HLA-DRB1: variants seen among roughly 807,000 people sequenced by gnomAD.
The protein encoded by HLA-DRB1 is major histocompatibility complex, class II, DR beta 1.
In HLA-DRB1, 10 loss-of-function variants were observed where a neutral mutation model predicts 27.9. The ratio of observed to expected loss-of-function variants is 0.36; its 90% confidence interval spans 0.22 to 0.61. The LOEUF is 0.61. Ranked by LOEUF, HLA-DRB1 falls within the 20% of genes least tolerant of loss-of-function variation. HLA-DRB1 has a pLI of 0.73. For missense variants in HLA-DRB1, 118 were observed against 306.3 expected (o/e 0.39, Z 4.59); for synonymous variants, 57 against 126.7 (o/e 0.45, Z 3.69).
intron 1 of HLA-DRB1, among the ~76,000 whole-genome samples, chr6:32,588,382 T>TGGGA (rs1423152541): frequency 0.3 from 30,839 of 102,916 alleles, 3,775 homozygotes; most frequent in Middle Eastern, 0.36. Flanking sequence ...TGAGCATAAG[T>TGGGA]GGCAGAGGTT....
intron 3 of HLA-DRB1, among the ~76,000 whole-genome samples, chr6:32,581,292 G>C (rs28732312): frequency 0.097 from 6,257 of 64,446 alleles, 14 homozygotes; most frequent in Middle Eastern, 0.17. Context: ...GAGCCTGGGA[G>C]AGTGGGTGAC....
intron 2 of HLA-DRB1, among the ~76,000 whole-genome samples, chr6:32,582,610 C>A (rs1775720153): frequency 9.7e-6 from 1 of 102,720 alleles, no homozygotes; most frequent in African/African-American, 3.9e-5. Flanking sequence ...TTTTTACTTT[C>A]CTAGAAAAGC....
intron 2 of HLA-DRB1, 104 bp from the exon 3 acceptor site, chr6:32,581,942 C>A: frequency 1.6e-6 from 1 of 637,646 alleles, no homozygotes; most frequent in Non-Finnish European, 2.7e-6. Flanking sequence ...TGGCCTTGAC[C>A]AGGCCTATAG....
rs9269921 is a variant in HLA-DRB1 at position 32,583,791 on chromosome 6, C to G, written c.370+318G>C. Among the ~76,000 whole-genome samples, 460 of 62,464 alleles carry G rather than the reference C, an allele frequency of 7.4e-3. 5 individuals carry two copies. The highest frequency in any genetic ancestry group is 0.014 in the East Asian group (33 of 2,368). The allele number at this position is 62,464 out of a possible 152,430, so 41.0% of individuals were successfully genotyped here. Reference sequence around the variant, plus strand: ...ATCAAGGTCTCCTCTCTCTCCAGCCCCCAGCACCCACCTCCCTTGTCACCT... The same window carrying G: ...ATCAAGGTCTCCTCTCTCTCCAGCCGCCAGCACCCACCTCCCTTGTCACCT... On this transcript the variant is annotated intron_variant, in intron 2 of 5. Transcript: ENST00000360004.
At chr6:32,585,885 A>G (rs9270045) in intron 1 of HLA-DRB1, among the ~76,000 whole-genome samples, 53,120 of 131,782 alleles carry the variant, frequency 0.4, 12,308 homozygotes, top group Middle Eastern at 0.54. Flanking sequence ...CACAGATACA[A>G]CAGGATCATT....
At chr6:32,580,458 A>G (rs1775264420) in intron 4 of HLA-DRB1, among the ~76,000 whole-genome samples, 188 bp from the exon 5 acceptor site, 2 of 130,410 alleles carry the variant, frequency 1.5e-5, no homozygotes, top group African/African-American at 2.7e-5. Context: ...CACAGGATCC[A>G]GTGTAATTCC....
Position 32,587,912 on chromosome 6 carries a change from G to T in HLA-DRB1, c.100+1731C>A, listed in dbSNP as rs35474092. 1.3e-5 allele frequency among the ~76,000 whole-genome samples: 2 copies of T among 148,670 alleles called. 1 individual carries two copies. The highest frequency in any genetic ancestry group is 3.0e-5 in the Non-Finnish European group (2 of 67,462). ...AACCTAGAATGGAGCCCAGTAAAGA[G>T]TAGCTGCTGAGAAAAATAAGTGTGG... On this transcript the variant is annotated intron_variant, in intron 1 of 5. Coordinates refer to ENST00000360004, the Ensembl canonical transcript of HLA-DRB1.
intron 2 of HLA-DRB1, among the ~76,000 whole-genome samples, chr6:32,583,027 A>T (rs28724030): frequency 0.075 from 9,137 of 121,896 alleles, 1 homozygote; most frequent in Admixed American, 0.12. Context: ...TCCACATACA[A>T]ACCACAAACT....
At chr6:32,585,597 T>G (rs1776284527) in intron 1 of HLA-DRB1, among the ~76,000 whole-genome samples, 1 of 132,544 alleles carries the variant, frequency 7.5e-6, no homozygotes, top group Non-Finnish European at 1.6e-5. Context: ...CTAAAGCAAT[T>G]AGTATCTTCA....
chr6:32,588,125 A>G (rs1446696327), intron 1 of HLA-DRB1, among the ~76,000 whole-genome samples: 16 of 148,026 alleles, frequency 1.1e-4, no homozygotes, highest in Non-Finnish European at 2.1e-4. Flanking sequence ...AGATAAAGAA[A>G]CAGTGATTTA....
At chr6:32,582,852 C>A (rs1775759740) in intron 2 of HLA-DRB1, among the ~76,000 whole-genome samples, 1 of 53,380 alleles carries the variant, frequency 1.9e-5, no homozygotes, top group African/African-American at 7.5e-5. Context: ...CTAGCATACT[C>A]TCAATAAATA....
chr6:32,587,918 G>T (rs34205804), intron 1 of HLA-DRB1, among the ~76,000 whole-genome samples: 1 of 148,574 alleles, frequency 6.7e-6, no homozygotes, highest in Non-Finnish European at 1.5e-5. Context: ...AAGAGTAGCT[G>T]CTGAGAAAAA....
rs373458346 is a variant in HLA-DRB1, at chr6:32,587,428, AT to A, written c.100+2214del. Among the ~76,000 whole-genome samples, 2 of 33,178 alleles carry A rather than the reference AT, an allele frequency of 6.0e-5. 1 individual carries two copies. Among genetic ancestry groups the A allele is most frequent in the Non-Finnish European group, 1.2e-4 (2 of 16,786 alleles). 21.8% of individuals were successfully genotyped at this position (33,178 alleles called of 152,430 possible). A position where few individuals can be genotyped will look rare whatever the true frequency, so the allele number is the denominator to read the frequency against. On this transcript the variant is annotated intron_variant, in intron 1 of 5. Coordinates refer to ENST00000360004, the Ensembl canonical transcript of HLA-DRB1. ...ACAAATAAATAAATAATAAAATTTA[AT>A]TTTTTTTTACTGTGGACATCAGAGC...
At chr6:32,586,338 A>T (rs9270072) in intron 1 of HLA-DRB1, among the ~76,000 whole-genome samples, 1,778 of 72,700 alleles carry the variant, frequency 0.024, 7 homozygotes, top group East Asian at 0.06. Flanking sequence ...CCAGTTTCCT[A>T]CCTGGATGCT....
At chr6:32,585,896 A>G (rs957607051) in intron 1 of HLA-DRB1, among the ~76,000 whole-genome samples, 42 of 104,496 alleles carry the variant, frequency 4.0e-4, no homozygotes, top group African/African-American at 4.8e-4. Flanking sequence ...CAGGATCATT[A>G]TTGAAATTGA....
intron 2 of HLA-DRB1, among the ~76,000 whole-genome samples, chr6:32,582,329 T>C (rs115403000): frequency 2.2e-4 from 28 of 126,580 alleles, no homozygotes; most frequent in East Asian, 4.7e-4. Flanking sequence ...TAGCCTTCAG[T>C]TTATGAGGTC....
chr6:32,584,172 C>G lies in HLA-DRB1; in HGVS notation c.307G>C (p.Ala103Pro), dbSNP rs16822805. The G allele has an allele frequency of 1.8e-3, 2,085 of 1,183,246 alleles. 288 individuals are homozygous for G. The African/African-American group carries it at 0.022, about 13-fold the overall frequency. The allele number at this position is 1,183,246 out of a possible 1,614,324, so 73.3% of individuals were successfully genotyped here. The change falls in exon 2 of 6, where the codon GCG becomes CCG. Residue 103 changes from alanine (A) to proline (P), a missense_variant. Physicochemically the swap from Ala to Pro is conservative, Grantham distance 27 (BLOSUM62 -1). Around this residue, in one of 5 missense-constraint regions of HLA-DRB1, gnomAD observed 22 missense variants for 21.0 expected, o/e 1.05. Coordinates refer to ENST00000360004, the Ensembl canonical transcript of HLA-DRB1. ...TTGTGTCTGCAGTAGGTGTCCACCG[C>G]GGCCCGCGCCTGCTCCAGGATGTCC... is the stretch of plus-strand genomic sequence containing the variant.
At chr6:32,579,023 A>G (rs9269688) in exon 6 of HLA-DRB1, 72,932 of 413,924 alleles carry the variant, frequency 0.18, 18,661 homozygotes, top group African/African-American at 0.46. Context: ...ATAACTGCCA[A>G]GCAGGAAAGC....
rs9270095 is a variant in HLA-DRB1, at chr6:32,586,705, G to A, written c.101-2327C>T. 9.6e-5 allele frequency among the ~76,000 whole-genome samples: 6 copies of A among 62,454 alleles called. 1 individual carries two copies. In the East Asian group the frequency reaches 2.2e-3, roughly 23 times the overall value. The allele number at this position is 62,454 out of a possible 152,430, so 41.0% of individuals were successfully genotyped here. ...AGTCTCTTAAATGCCATTGACCTTC[G>A]GATTTCTCCACATAAATGTCAATCA... On this transcript the variant is annotated intron_variant, in intron 1 of 5. Coordinates refer to ENST00000360004, the Ensembl canonical transcript of HLA-DRB1.
Sources: gnomAD v4.1 joint callset for allele counts (sites outside exome capture counted in the v4.1 genomes callset) on GRCh38, gnomAD v4.1.1 for gene constraint, gnomAD v4.1.1 regional missense constraint, MANE v1.5 for transcripts, NCBI Gene and HGNC (gene_info 2026-07-23, HGNC 2026-07-21) for gene names.